FRMD3: variants seen among roughly 807,000 people sequenced by gnomAD.
FRMD3 encodes the protein FERM domain-containing protein 3.
Under a neutral mutation model 70.2 loss-of-function variants are expected in FRMD3, and 33 were observed. The ratio of observed to expected loss-of-function variants is 0.47; its 90% CI spans 0.36 to 0.63. The LOEUF is 0.63. Among genes scored for constraint, FRMD3 ranks in the 20% least tolerant of loss-of-function variants. FRMD3 has a pLI of 0.00. For synonymous variants in FRMD3, 279 were observed against 255.9 expected, an observed-to-expected ratio of 1.09 and a Z score of -0.86; for missense variants, 632 against 711.4, an observed-to-expected ratio of 0.89 and a Z score of 1.27.
At chr9:83,256,032 G>A (rs771660915) in intron 13 of FRMD3, among the ~76,000 whole-genome samples, 4 of 151,960 alleles carry the variant, frequency 2.6e-5, no homozygotes, top group Admixed American at 6.6e-5. Flanking sequence ...TTTAAAATTC[G>A]TATGGAACCA....
At chr9:83,293,765 G>A (rs1430982771) in intron 12 of FRMD3, among the ~76,000 whole-genome samples, 2 of 152,214 alleles carry the variant, frequency 1.3e-5, no homozygotes, top group African/African-American at 4.8e-5. Context: ...GCCAGGGACA[G>A]GGGCATATAG....
chr9:83,264,863 TAAG>T (rs761989296), intron 13 of FRMD3, among the ~76,000 whole-genome samples: 34 of 151,004 alleles, frequency 2.3e-4, no homozygotes, highest in Non-Finnish European at 4.1e-4. Flanking sequence ...TAAAAATTCC[TAAG>T]AAGATAAAGG....
chr9:83,333,812 C>G (rs925583022), intron 6 of FRMD3, among the ~76,000 whole-genome samples: 2 of 152,142 alleles, frequency 1.3e-5, no homozygotes, highest in Non-Finnish European at 2.9e-5. Context: ...GGTTCAAGTC[C>G]TGACTCCACT....
At chr9:83,576,555 T>G in the FRMD3 span, among the ~76,000 whole-genome samples, 1 of 152,132 alleles carries the variant, frequency 6.6e-6, no homozygotes, top group Non-Finnish European at 1.5e-5. Context: ...TTAAGCCTAC[T>G]ACCCACGAGT....
intron 13 of FRMD3, among the ~76,000 whole-genome samples, chr9:83,262,249 A>T (rs1035037465): frequency 6.6e-6 from 1 of 151,870 alleles, no homozygotes; most frequent in African/African-American, 2.4e-5. Context: ...CTCCCTCCCA[A>T]CTCTTTACCT....
the FRMD3 span, among the ~76,000 whole-genome samples, chr9:83,568,730 A>G: frequency 6.6e-6 from 1 of 152,184 alleles, no homozygotes; most frequent in Non-Finnish European, 1.5e-5. Context: ...TAAGATTACT[A>G]TAGTCAAAAT....
Position 83,310,513 on chromosome 9 carries a change from G to A in FRMD3, c.809C>T (p.Thr270Ile). The A allele has an allele frequency of 1.0e-5, 16 of 1,605,268 alleles. No homozygotes were observed. The highest frequency in any genetic ancestry group is 1.3e-5 in the Non-Finnish European group (15 of 1,177,826). ...DVCKLKFEGK[T>I]FYVIGTQKEK... is the part of the protein sequence containing the mutation. Reference sequence around the variant, plus strand: ...CTTCTGGGTGCCAATCACATAAAATGTCTTCCCTTCAAACTTCAATTTGCA... The same window carrying A: ...CTTCTGGGTGCCAATCACATAAAATATCTTCCCTTCAAACTTCAATTTGCA... The change falls in exon 9 of 14, where the codon ACA becomes ATA. Residue 270 changes from threonine (T) to isoleucine (I), a missense_variant. Transcript: ENST00000304195.
Position 83,507,728 on chromosome 9 carries a change from A to AATC in FRMD3, c.147+30356_147+30357insGAT, listed in dbSNP as rs1829230951. Among the ~76,000 whole-genome samples, 3 of 110,778 alleles carry AATC rather than the reference A, an allele frequency of 2.7e-5. No individual in the cohort carries two copies. The Admixed American group carries it at 3.2e-4, about 12-fold the overall frequency. The allele number at this position is 110,778 out of a possible 152,430, so 72.7% of individuals were successfully genotyped here. ...TATATATATATATATATATATATAT[A>AATC]TATATATATATCTTCTGGAATATTT... is the stretch of plus-strand genomic sequence containing the variant. On this transcript the variant is annotated intron_variant, in intron 1 of 13. Transcript: ENST00000304195.
At position 83,248,347 on chromosome 9, in the gene FRMD3, G is replaced by C; in HGVS notation, c.1365C>G (p.Pro455=). 1 of 1,614,150 alleles carries C rather than the reference G, an allele frequency of 6.2e-7. No individual in the cohort carries two copies. Among genetic ancestry groups the C allele is most frequent in the Non-Finnish European group, 8.5e-7 (1 of 1,180,016 alleles). Reference sequence around the variant, plus strand: ...CAATCTCATCGTCATCCACAGGGGTGGGGAGCAGGCTGGCACTTGGGTTGT... The same window carrying C: ...CAATCTCATCGTCATCCACAGGGGTCGGGAGCAGGCTGGCACTTGGGTTGT... The part of the protein sequence containing the change: ...LVYNPSASLL[P]TPVDDDEIDM... Residue 455 remains proline, a synonymous_variant, in exon 14 of 14, where the codon CCC becomes CCG. Transcript: ENST00000304195.
At chr9:83,252,669 G>A (rs1373181312) in intron 13 of FRMD3, among the ~76,000 whole-genome samples, 5 of 152,056 alleles carry the variant, frequency 3.3e-5, no homozygotes, top group African/African-American at 1.2e-4. Context: ...AAGGGATGAA[G>A]GAAAATGTAC....
chr9:83,351,173 A>T (rs373218753), intron 3 of FRMD3, among the ~76,000 whole-genome samples: 1 of 152,228 alleles, frequency 6.6e-6, no homozygotes, highest in African/African-American at 2.4e-5. Flanking sequence ...AATCCTTTAC[A>T]TAAGAAGAGC....
In FRMD3 at chr9:83,473,246, CT is replaced by C. The variant is rs1041690799; in HGVS notation, c.147+64838del. Among the ~76,000 whole-genome samples the C allele has an allele frequency of 7.6e-4, 115 of 152,280 alleles. 1 individual carries two copies. The highest frequency in any genetic ancestry group is 2.6e-3 in the African/African-American group (108 of 41,560). ...GCCCACCTTGCCTCTTCCCAACCCCCTGCCTCTGTGCACACCAGTCTCCCTG... is the reference window on the plus strand; with the variant it reads ...GCCCACCTTGCCTCTTCCCAACCCCCGCCTCTGTGCACACCAGTCTCCCTG... On this transcript the variant is annotated intron_variant, in intron 1 of 13. Coordinates refer to ENST00000304195, the MANE Select transcript of FRMD3 (RefSeq NM_174938.6).
intron 2 of FRMD3, among the ~76,000 whole-genome samples, chr9:83,376,611 CTTT>C (rs5898828): frequency 8.3e-5 from 11 of 131,964 alleles, no homozygotes; most frequent in South Asian, 2.4e-4. Flanking sequence ...TGCTATATTC[CTTT>C]TTTTTTTTTT....
At chr9:83,538,459 C>A (rs1829953240), upstream of FRMD3, 3 of 361,632 alleles carry the variant, frequency 8.3e-6, no homozygotes, top group Admixed American at 1.4e-4. The surrounding 1 kb of genome is among the most constrained non-coding windows in gnomAD (Gnocchi z 4.7). Context: ...TTCCCCGCCT[C>A]CTTCTGTCGC....
intron 3 of FRMD3, among the ~76,000 whole-genome samples, chr9:83,364,681 C>G (rs1824732515): frequency 6.6e-6 from 1 of 152,128 alleles, no homozygotes; most frequent in South Asian, 2.1e-4. Context: ...CTCAGGAAGC[C>G]CTGGGCTACC....
chr9:83,441,327 A>G (rs1001136821), intron 1 of FRMD3, among the ~76,000 whole-genome samples: 1 of 152,216 alleles, frequency 6.6e-6, no homozygotes, highest in African/African-American at 2.4e-5. Flanking sequence ...TTCCGACTGA[A>G]CGGATCCCAA....
At chr9:83,272,716 A>G (rs533593915) in intron 13 of FRMD3, among the ~76,000 whole-genome samples, 2 of 140,772 alleles carry the variant, frequency 1.4e-5, no homozygotes, top group Non-Finnish European at 3.0e-5. Context: ...CCCGGCCGCC[A>G]TCCCATCTAG....
At position 83,500,498 on chromosome 9, in the gene FRMD3, G is replaced by GCA. The variant is rs1491199985; in HGVS notation, c.147+37586_147+37587insTG. Among the ~76,000 whole-genome samples, 348 of 62,966 alleles carry GCA rather than the reference G, an allele frequency of 5.5e-3. 12 individuals carry two copies. Among genetic ancestry groups the GCA allele is most frequent in the South Asian group, 9.1e-3 (18 of 1,978 alleles). 41.3% of individuals were successfully genotyped at this position (62,966 alleles called of 152,430 possible). A position where few individuals can be genotyped will look rare whatever the true frequency, so the allele number is the denominator to read the frequency against. On this transcript the variant is annotated intron_variant, in intron 1 of 13. Transcript: ENST00000304195. The stretch of plus-strand genomic sequence containing the variant: ...CCTGCATAGAGTGCTTGGCGTGTAT[G>GCA]CGCGCACACACACACACACACACAC...
intron 1 of FRMD3, among the ~76,000 whole-genome samples, chr9:83,442,036 T>C (rs2131396022): frequency 6.6e-6 from 1 of 152,288 alleles, no homozygotes; most frequent in African/African-American, 2.4e-5. Context: ...CGACACATCT[T>C]TCAAATTGAT....
Sources: allele counts gnomAD v4.1 joint callset (sites outside exome capture counted in the v4.1 genomes callset), GRCh38; gene constraint gnomAD v4.1.1; non-coding constraint Gnocchi (gnomAD v3.1); transcripts MANE v1.5; gene names NCBI Gene and HGNC (gene_info 2026-07-23, HGNC 2026-07-21).